The following MAML3 variants were observed in gnomAD, a reference collection of about 807,000 sequenced individuals.
The protein encoded by MAML3 is mastermind-like protein 3.
A neutral mutation model predicts 101.9 loss-of-function variants in MAML3; 27 were observed. The observed-to-expected ratio is 0.27, with a 90% CI of 0.20 to 0.37. MAML3 has a LOEUF of 0.37. Ranked by LOEUF, MAML3 falls within the 10% of genes least tolerant of loss-of-function variation. The probability of loss-of-function intolerance (pLI) is 1.00; values close to 1 mark genes in which losing one functional copy is unlikely to be tolerated. For synonymous variants in MAML3, 501 were observed against 555.9 expected, an observed-to-expected ratio of 0.90 and a Z score of 1.39; for missense variants, 1,316 against 1,444.9, an observed-to-expected ratio of 0.91 and a Z score of 1.45.
chr4:139,863,340 G>A (rs1731822334), intron 2 of MAML3, among the ~76,000 whole-genome samples: 1 of 120,428 alleles, frequency 8.3e-6, no homozygotes, highest in Non-Finnish European at 1.8e-5. Flanking sequence ...TTTTTCCTGT[G>A]CCCTTTTTTT....
In MAML3 at chr4:140,069,482, A is replaced by G. The variant is rs1159654466; in HGVS notation, c.468+83378T>C. On this transcript the variant is annotated intron_variant, in intron 1 of 4. Transcript: ENST00000509479. ...AGAAGGAGAAGGAGAAAGGAAGAAG[A>G]AGGAGGAGGAGGAGGGGAGGAGGAG... is the stretch of plus-strand genomic sequence containing the variant. Among the ~76,000 whole-genome samples, 8 of 119,176 alleles carry G rather than the reference A, an allele frequency of 6.7e-5. 1 individual carries two copies. The highest frequency in any genetic ancestry group is 1.6e-4 in the African/African-American group (5 of 31,580). The allele number at this position is 119,176 out of a possible 152,430, so 78.2% of individuals were successfully genotyped here.
At chr4:140,073,145 T>TC (rs1169337316) in intron 1 of MAML3, among the ~76,000 whole-genome samples, 1 of 151,902 alleles carries the variant, frequency 6.6e-6, no homozygotes, top group East Asian at 1.9e-4. Context: ...TGTTTTCTTT[T>TC]TTTTTTTTTT....
intron 1 of MAML3, among the ~76,000 whole-genome samples, chr4:139,963,852 C>A (rs990576083): frequency 6.6e-6 from 1 of 152,142 alleles, no homozygotes; most frequent in African/African-American, 2.4e-5. Flanking sequence ...ACTCTTAGAG[C>A]CTCCCAGAGG....
intron 2 of MAML3, among the ~76,000 whole-genome samples, chr4:139,777,228 C>T (rs983973942): frequency 1.3e-5 from 2 of 152,192 alleles, no homozygotes; most frequent in African/African-American, 4.8e-5. Flanking sequence ...GGATCTTAGA[C>T]TTAATATGTC....
At chr4:139,796,390 G>T (rs1280598104) in intron 2 of MAML3, among the ~76,000 whole-genome samples, 2 of 152,194 alleles carry the variant, frequency 1.3e-5, no homozygotes, top group Non-Finnish European at 2.9e-5. Flanking sequence ...AGATTAAAGA[G>T]AAAATAGCTA....
At chr4:139,874,584 TTGAA>T (rs201445115) in intron 2 of MAML3, among the ~76,000 whole-genome samples, 1 of 152,086 alleles carries the variant, frequency 6.6e-6, no homozygotes, top group East Asian at 1.9e-4. Context: ...ATAAAATATG[TTGAA>T]TGAATGAATG....
At chr4:139,852,145 C>A (rs1731564886) in intron 2 of MAML3, among the ~76,000 whole-genome samples, 1 of 152,160 alleles carries the variant, frequency 6.6e-6, no homozygotes, top group South Asian at 2.1e-4. Flanking sequence ...CACTTGTTCT[C>A]AATTGCTAAA....
intron 1 of MAML3, among the ~76,000 whole-genome samples, chr4:140,141,333 C>G (rs1014113312): frequency 6.6e-6 from 1 of 152,164 alleles, no homozygotes; most frequent in Admixed American, 6.5e-5. Context: ...CATTTTGATG[C>G]ATTTTCTACA....
Position 139,719,459 on chromosome 4 carries a change from T to C in MAML3, c.3281A>G (p.Tyr1094Cys). 1 of 1,614,022 alleles carries C rather than the reference T, an allele frequency of 6.2e-7. No individual in the cohort carries two copies. The highest frequency in any genetic ancestry group is 8.5e-7 in the Non-Finnish European group (1 of 1,179,898). ...CCCAGCTCCGTCGCCACTGTAATTG[T>C]ATGACACGTCCTGAGGGGCATTCCG... ...YERNAPQDVS[Y>C]NYSGDGAGGS... Residue 1094 changes from tyrosine to cysteine, a missense_variant, in exon 5 of 5, where the codon TAC becomes TGC. Physicochemically the swap from Tyr to Cys is radical, Grantham distance 194. Coordinates refer to ENST00000509479, the MANE Select transcript of MAML3 (RefSeq NM_018717.5).
intron 1 of MAML3, among the ~76,000 whole-genome samples, chr4:140,115,565 G>A (rs1341875056): frequency 6.6e-6 from 1 of 152,142 alleles, no homozygotes; most frequent in Non-Finnish European, 1.5e-5. Context: ...GCCTTCAGCA[G>A]ACCCCAGGAC....
At chr4:139,724,594 A>C (rs1199079277) in intron 4 of MAML3, among the ~76,000 whole-genome samples, 1 of 152,070 alleles carries the variant, frequency 6.6e-6, no homozygotes, top group East Asian at 1.9e-4. Flanking sequence ...CAGACACTTA[A>C]AGGAATAGGT....
chr4:139,753,600 G>A (rs74406823), intron 2 of MAML3, among the ~76,000 whole-genome samples: 243 of 152,172 alleles, frequency 1.6e-3, no homozygotes, highest in African/African-American at 4.6e-3. Context: ...TAAGTGAAGG[G>A]AAAAATATCT....
intron 2 of MAML3, among the ~76,000 whole-genome samples, chr4:139,788,104 A>G (rs912499946): frequency 6.6e-6 from 1 of 152,234 alleles, no homozygotes; most frequent in Non-Finnish European, 1.5e-5. Context: ...GTCCAATTCA[A>G]CCTCAAGAAG....
chr4:139,727,661 T>C (rs1394519107), intron 3 of MAML3, among the ~76,000 whole-genome samples: 1 of 152,246 alleles, frequency 6.6e-6, no homozygotes, highest in Non-Finnish European at 1.5e-5. Flanking sequence ...TGAGAGGTTA[T>C]GTGCTTTGAA....
intron 1 of MAML3, among the ~76,000 whole-genome samples, chr4:139,947,263 G>A (rs749652802): frequency 6.6e-6 from 1 of 152,072 alleles, no homozygotes; most frequent in Non-Finnish European, 1.5e-5. Flanking sequence ...CTATTTAAAT[G>A]GCATTTTCCT....
At chr4:139,797,890 T>C (rs1381344117) in intron 2 of MAML3, among the ~76,000 whole-genome samples, 1 of 151,990 alleles carries the variant, frequency 6.6e-6, no homozygotes, top group Non-Finnish European at 1.5e-5. Flanking sequence ...GATAATGGCA[T>C]TGTGATTACC....
chr4:139,885,513 A>G (rs1315158794), intron 2 of MAML3, among the ~76,000 whole-genome samples: 1 of 152,130 alleles, frequency 6.6e-6, no homozygotes, highest in South Asian at 2.1e-4. Context: ...GTACCCCATA[A>G]ATATGTGTAA....
intron 1 of MAML3, among the ~76,000 whole-genome samples, chr4:139,950,905 G>A (rs1733822072): frequency 6.6e-6 from 1 of 152,130 alleles, no homozygotes; most frequent in African/African-American, 2.4e-5. Flanking sequence ...AGGCCATCGG[G>A]TTACTAAATG....
chr4:140,026,570 T>C (rs1726828194), intron 1 of MAML3, among the ~76,000 whole-genome samples: 1 of 152,192 alleles, frequency 6.6e-6, no homozygotes, highest in Non-Finnish European at 1.5e-5. Context: ...TATATTAAAA[T>C]GCAAATAAAA....
Sources: gnomAD v4.1 joint callset for allele counts (sites outside exome capture counted in the v4.1 genomes callset) on GRCh38, gnomAD v4.1.1 for gene constraint, MANE v1.5 for transcripts, NCBI Gene and HGNC (gene_info 2026-07-23, HGNC 2026-07-21) for gene names.